The following CTNNBL1 variants were observed in gnomAD, a reference collection of about 807,000 sequenced individuals.
CTNNBL1 encodes catenin beta like 1, also known as beta-catenin-like protein 1.
A neutral mutation model predicts 72.7 loss-of-function variants in CTNNBL1; 31 were observed. That is an observed-to-expected ratio of 0.43 (90% CI 0.32 to 0.58). The LOEUF is 0.58. CTNNBL1 is among the 20% of genes least tolerant of loss of function. The probability of loss-of-function intolerance (pLI) is 0.08; values close to 1 mark genes in which losing one functional copy is unlikely to be tolerated. For synonymous variants in CTNNBL1, 240 were observed against 267.3 expected (o/e 0.90, Z 1.00); for missense variants, 534 against 725.1 (o/e 0.74, Z 3.03).
At chr20:37,748,844 A>G (rs903654827) in intron 4 of CTNNBL1, among the ~76,000 whole-genome samples, 2 of 152,214 alleles carry the variant, frequency 1.3e-5, no homozygotes, top group African/African-American at 4.8e-5. Context: ...CACATTGGGG[A>G]TAGGCTTCAA....
intron 1 of CTNNBL1, among the ~76,000 whole-genome samples, chr20:37,719,593 G>T (rs1339902367): frequency 6.6e-6 from 1 of 152,170 alleles, no homozygotes; most frequent in African/African-American, 2.4e-5. Flanking sequence ...AAAGCTCAAT[G>T]AGGACAGTTC....
At chr20:37,793,822 C>T (rs1298539561) in intron 10 of CTNNBL1, among the ~76,000 whole-genome samples, 1 of 151,714 alleles carries the variant, frequency 6.6e-6, no homozygotes, top group Non-Finnish European at 1.5e-5. Context: ...ACTCTGTTGC[C>T]CAGGCTGGAG....
At chr20:37,733,529 C>G (rs934621985) in intron 2 of CTNNBL1, among the ~76,000 whole-genome samples, 1 of 152,158 alleles carries the variant, frequency 6.6e-6, no homozygotes, top group African/African-American at 2.4e-5. Context: ...ATTCCTCGGG[C>G]CTTTCCCTTT....
intron 2 of CTNNBL1, among the ~76,000 whole-genome samples, chr20:37,734,291 T>G (rs1351024293): frequency 1.3e-5 from 2 of 152,236 alleles, no homozygotes; most frequent in African/African-American, 4.8e-5. Flanking sequence ...ATGATGGCAC[T>G]TTAGAAATAC....
intron 9 of CTNNBL1, among the ~76,000 whole-genome samples, chr20:37,778,658 T>C (rs186762389): frequency 6.6e-6 from 1 of 152,300 alleles, no homozygotes; most frequent in Admixed American, 6.5e-5. Flanking sequence ...TTCAGTAGCC[T>C]TGGTTGTCAG....
At chr20:37,767,082 G>A (rs1379252720) in intron 6 of CTNNBL1, among the ~76,000 whole-genome samples, 1 of 152,072 alleles carries the variant, frequency 6.6e-6, no homozygotes, top group Non-Finnish European at 1.5e-5. Context: ...GACAGGAGGT[G>A]TGGTGATTTC....
At chr20:37,697,732 ATTAT>A (rs2072806317) in intron 1 of CTNNBL1, among the ~76,000 whole-genome samples, 1 of 152,150 alleles carries the variant, frequency 6.6e-6, no homozygotes, top group Non-Finnish European at 1.5e-5. Flanking sequence ...TGGTCTCCTT[ATTAT>A]TATTTTTTAA....
At chr20:37,742,724 T>C (rs2073227737) in intron 3 of CTNNBL1, among the ~76,000 whole-genome samples, 1 of 108,024 alleles carries the variant, frequency 9.3e-6, no homozygotes, top group Admixed American at 8.3e-5. Context: ...ATGTTATTGA[T>C]TAAAAAAAAA....
chr20:37,762,655 G>A (rs1170942560), intron 5 of CTNNBL1, among the ~76,000 whole-genome samples: 2 of 152,178 alleles, frequency 1.3e-5, no homozygotes, highest in African/African-American at 2.4e-5. Context: ...ATTGAAGGTA[G>A]ACCCAAGGGG....
At chr20:37,813,014 A>AT (rs1261198444) in intron 11 of CTNNBL1, among the ~76,000 whole-genome samples, 1 of 151,966 alleles carries the variant, frequency 6.6e-6, no homozygotes, top group Non-Finnish European at 1.5e-5. Context: ...AGCAGCATGT[A>AT]TTAAAAAAAA....
Position 37,694,083 on chromosome 20 carries a change from G to GT in CTNNBL1, c.-39dup, listed in dbSNP as rs763614837. 3.1e-6 allele frequency: 5 copies of GT among 1,598,592 alleles called. No individual in the cohort carries two copies. The highest frequency in any genetic ancestry group is 3.4e-6 in the Non-Finnish European group (4 of 1,173,888). On this transcript the variant is annotated 5_prime_UTR_variant, in exon 1 of 16. Transcript: ENST00000361383. ...CGGCTGACGGGCCCGCGGTCTGGGC[G>GT]TGAGTGCAGGGAAGTGGAGTATTTG...
At chr20:37,852,478 G>A (rs2072404837) in intron 13 of CTNNBL1, among the ~76,000 whole-genome samples, 1 of 152,178 alleles carries the variant, frequency 6.6e-6, no homozygotes, top group Admixed American at 6.5e-5. Context: ...GTGGTGAAGT[G>A]TGTCTCCAGC....
intron 11 of CTNNBL1, among the ~76,000 whole-genome samples, chr20:37,813,739 T>C (rs2072031394): frequency 6.6e-6 from 1 of 152,230 alleles, no homozygotes; most frequent in Admixed American, 6.5e-5. Flanking sequence ...GGGTGTAGTA[T>C]ATCTCTTTTA....
chr20:37,779,179 C>T lies in CTNNBL1; in HGVS notation c.883-8C>T. ...AGCTCTGTGCTTTGTGCTGTTTTTGCTTGACAGGTGTTTAAAAGACACAAT... is the reference window on the plus strand; with the variant it reads ...AGCTCTGTGCTTTGTGCTGTTTTTGTTTGACAGGTGTTTAAAAGACACAAT... On this transcript the variant is annotated splice_polypyrimidine_tract_variant and splice_region_variant and intron_variant, in intron 9 of 15. Transcript: ENST00000361383. 1.9e-6 allele frequency: 3 copies of T among 1,612,216 alleles called. No individual in the cohort carries two copies. The African/African-American group carries it at 4.0e-5, about 22-fold the overall frequency.
Position 37,840,208 on chromosome 20 carries a change from CTG to C in CTNNBL1, c.1311+11_1311+12del, listed in dbSNP as rs1467826804. ...AAAATGACAGTGAGAAGGTGGGTGA[CTG>C]TTGGACTGTAAAGCTGGGACCGGGA... On this transcript the variant is annotated intron_variant, in intron 12 of 15. Transcript: ENST00000361383. The C allele has an allele frequency of 6.3e-7, 1 of 1,589,182 alleles. No homozygotes were observed. Among genetic ancestry groups the C allele is most frequent in the Non-Finnish European group, 8.6e-7 (1 of 1,158,204 alleles).
At chr20:37,844,095 CCTT>C (rs761659421) in intron 13 of CTNNBL1, among the ~76,000 whole-genome samples, 1 of 152,190 alleles carries the variant, frequency 6.6e-6, no homozygotes, top group South Asian at 2.1e-4. Flanking sequence ...ATAATGTACT[CCTT>C]CTCTTTATCT....
intron 1 of CTNNBL1, among the ~76,000 whole-genome samples, chr20:37,722,709 T>G (rs1229165933): frequency 6.6e-6 from 1 of 152,192 alleles, no homozygotes; most frequent in Non-Finnish European, 1.5e-5. Context: ...AATGCAGCAT[T>G]GATAAGTCTA....
intron 10 of CTNNBL1, among the ~76,000 whole-genome samples, chr20:37,799,698 C>T (rs2073807661): frequency 6.6e-6 from 1 of 152,208 alleles, no homozygotes; most frequent in Non-Finnish European, 1.5e-5. Context: ...TAGCAGCTAG[C>T]ATAATGTCTG....
At chr20:37,869,819 A>G (rs140765768) in intron 15 of CTNNBL1, among the ~76,000 whole-genome samples, 19 of 152,304 alleles carry the variant, frequency 1.2e-4, no homozygotes, top group South Asian at 4.1e-4. Flanking sequence ...GGACCACCCA[A>G]GGGCACAGTT....
Sources: allele counts gnomAD v4.1 joint callset (sites outside exome capture counted in the v4.1 genomes callset), GRCh38; gene constraint gnomAD v4.1.1; transcripts MANE v1.5; gene names NCBI Gene and HGNC (gene_info 2026-07-23, HGNC 2026-07-21).